The following PBX3 variants were observed in gnomAD, a reference collection of about 807,000 sequenced individuals.
PBX3 encodes PBX homeobox 3, also known as pre-B-cell leukemia transcription factor 3.
In PBX3, 14 loss-of-function variants were observed where a neutral mutation model predicts 48.5. The observed-to-expected ratio is 0.29, with a 90% confidence interval of 0.19 to 0.45. The LOEUF (loss-of-function observed/expected upper bound fraction) is 0.45, where lower values mean the gene tolerates loss of function less well. PBX3 is among the 20% of genes least tolerant of loss of function. The pLI is 1.00. For synonymous variants in PBX3, 210 were observed against 200.3 expected (o/e 1.05, Z -0.41); for missense variants, 386 against 546.7 (o/e 0.71, Z 2.93).
chr9:125,747,791 C>T (rs1836238006), intron 1 of PBX3, 138 bp downstream of exon 1: 1 of 616,924 alleles, frequency 1.6e-6, no homozygotes, highest in Non-Finnish European at 2.6e-6. Context: ...GCCGCCCGCC[C>T]CGGCCTCGGG....
At chr9:125,890,222 C>T (rs898357599) in intron 2 of PBX3, among the ~76,000 whole-genome samples, 2 of 152,172 alleles carry the variant, frequency 1.3e-5, no homozygotes, top group African/African-American at 4.8e-5. Context: ...ACATTTTCAA[C>T]AGATAGGAAA....
At chr9:125,869,920 G>T (rs1393807503) in intron 2 of PBX3, among the ~76,000 whole-genome samples, 1 of 152,048 alleles carries the variant, frequency 6.6e-6, no homozygotes, top group Non-Finnish European at 1.5e-5. Flanking sequence ...TCACGCTGCT[G>T]ATAAAGACAT....
intron 2 of PBX3, among the ~76,000 whole-genome samples, chr9:125,782,844 G>GT (rs1173869967): frequency 1.4e-4 from 21 of 151,178 alleles, no homozygotes; most frequent in South Asian, 6.2e-4. Flanking sequence ...TAGTAGGCAG[G>GT]TTTTTTTTTC....
At chr9:125,761,429 G>GT (rs1836664394) in intron 2 of PBX3, among the ~76,000 whole-genome samples, 1 of 152,034 alleles carries the variant, frequency 6.6e-6, no homozygotes, top group African/African-American at 2.4e-5. Flanking sequence ...TCAAGCAAGA[G>GT]TTTACTACAG....
intron 2 of PBX3, among the ~76,000 whole-genome samples, chr9:125,871,062 G>A (rs1205382400): frequency 1.3e-5 from 2 of 152,134 alleles, no homozygotes; most frequent in Non-Finnish European, 2.9e-5. Context: ...CCAGAGACGT[G>A]TAAAAAGTTG....
At chr9:125,962,917 C>T (rs1842459374) in intron 7 of PBX3, 95 bp from the exon 8 acceptor site, 1 of 546,344 alleles carries the variant, frequency 1.8e-6, no homozygotes, top group African/African-American at 1.9e-5. Context: ...AGATGTTAAA[C>T]CCTTGTGGCA....
chr9:125,829,043 C>G (rs909785077), intron 2 of PBX3, among the ~76,000 whole-genome samples: 4 of 152,146 alleles, frequency 2.6e-5, no homozygotes, highest in Non-Finnish European at 4.4e-5. Context: ...AAGAGGGAGA[C>G]AGACAGGTTG....
intron 5 of PBX3, among the ~76,000 whole-genome samples, chr9:125,958,102 T>C (rs1175614141): frequency 6.6e-6 from 1 of 152,238 alleles, no homozygotes; most frequent in Admixed American, 6.5e-5. Flanking sequence ...TGGATTCTAA[T>C]GGTCACTGAG....
chr9:125,749,320 G>T (rs1242292015), intron 2 of PBX3: 1 of 152,194 alleles, frequency 6.6e-6, no homozygotes, highest in Non-Finnish European at 1.5e-5. Flanking sequence ...AGGTTTTGCA[G>T]AAGTGCTGGA....
chr9:125,780,436 C>G, intron 2 of PBX3, among the ~76,000 whole-genome samples: 1 of 127,828 alleles, frequency 7.8e-6, no homozygotes, highest in South Asian at 2.6e-4. Context: ...CACCTCCCTC[C>G]CAGACGGGGC....
chr9:125,929,493 A>G (rs1461668714), intron 3 of PBX3, among the ~76,000 whole-genome samples, 162 bp from the exon 4 acceptor site: 1 of 152,168 alleles, frequency 6.6e-6, no homozygotes, highest in East Asian at 1.9e-4. Context: ...TGCTGCCTTA[A>G]CTACTATTAC....
At chr9:125,783,494 G>A (rs1376382539) in intron 2 of PBX3, among the ~76,000 whole-genome samples, 1 of 151,942 alleles carries the variant, frequency 6.6e-6, no homozygotes, top group Non-Finnish European at 1.5e-5. Context: ...CACCACGTTG[G>A]CCAGGCTGGT....
At chr9:125,780,747 G>A (rs1162678889) in intron 2 of PBX3, among the ~76,000 whole-genome samples, 13 of 125,336 alleles carry the variant, frequency 1.0e-4, no homozygotes, top group South Asian at 3.0e-4. Flanking sequence ...CCTCCCTCCC[G>A]GACAGGGCGG....
At chr9:125,914,906 A>ATC (rs1251421659) in intron 2 of PBX3, among the ~76,000 whole-genome samples, 1 of 152,202 alleles carries the variant, frequency 6.6e-6, no homozygotes, top group African/African-American at 2.4e-5. Flanking sequence ...GTCAGCTATG[A>ATC]TCTATAGTAC....
chr9:125,934,389 T>C (rs1440603988), intron 4 of PBX3, among the ~76,000 whole-genome samples: 2 of 152,198 alleles, frequency 1.3e-5, no homozygotes, highest in East Asian at 3.8e-4. Flanking sequence ...TGGAAGAAAG[T>C]ATTAAGAAAA....
intron 2 of PBX3, among the ~76,000 whole-genome samples, chr9:125,777,246 C>G (rs10986907): frequency 0.02 from 3,053 of 152,124 alleles, 172 homozygotes; most frequent in East Asian, 0.17. Flanking sequence ...CTCCTGAGCT[C>G]AGGTAATCTG....
chr9:125,817,391 A>G (rs1838496639), intron 2 of PBX3, among the ~76,000 whole-genome samples: 1 of 152,220 alleles, frequency 6.6e-6, no homozygotes, highest in Non-Finnish European at 1.5e-5. Flanking sequence ...TTGGAGGTGG[A>G]CTAGAGGTAC....
chr9:125,816,285 C>A (rs79268017), intron 2 of PBX3, among the ~76,000 whole-genome samples: 8,988 of 152,052 alleles, frequency 0.059, 611 homozygotes, highest in East Asian at 0.17. Context: ...GGTGTGAGCC[C>A]CTGCACCCGG....
At chr9:125,818,218 A>C (rs969473799) in intron 2 of PBX3, among the ~76,000 whole-genome samples, 5 of 151,596 alleles carry the variant, frequency 3.3e-5, no homozygotes, top group South Asian at 4.2e-4. Context: ...CAAAAAAAAA[A>C]CAAAAACCAA....
Sources: gnomAD v4.1 joint callset for allele counts (sites outside exome capture counted in the v4.1 genomes callset) on GRCh38, gnomAD v4.1.1 for gene constraint, MANE v1.5 for transcripts, NCBI Gene and HGNC (gene_info 2026-07-23, HGNC 2026-07-21) for gene names.